Variants in PCDHGA5 observed in about 807,000 individuals in gnomAD.
PCDHGA5 encodes protocadherin gamma subfamily A, 5, also known as protocadherin gamma-A5.
A neutral mutation model predicts 56.7 loss-of-function variants in PCDHGA5; 36 were observed. The observed-to-expected ratio is 0.64, with a 90% CI of 0.49 to 0.84. PCDHGA5 has a LOEUF of 0.84. PCDHGA5 is among the 40% of genes least tolerant of loss of function. The pLI, the probability that PCDHGA5 is intolerant of heterozygous loss-of-function variation, is 0.00. For synonymous variants in PCDHGA5, 563 were observed against 520.2 expected, an observed-to-expected ratio of 1.08 and a Z score of -1.12; for missense variants, 1,305 against 1,201.5, an observed-to-expected ratio of 1.09 and a Z score of -1.27.
At chr5:141,481,587 G>A (rs1276529821) in intron 1 of PCDHGA5, among the ~76,000 whole-genome samples, 1 of 152,198 alleles carries the variant, frequency 6.6e-6, no homozygotes, top group African/African-American at 2.4e-5. Context: ...GGAGGCTGAG[G>A]CCAGCGGATC....
chr5:141,450,832 T>A (rs192186566), intron 1 of PCDHGA5, among the ~76,000 whole-genome samples: 5,292 of 142,276 alleles, frequency 0.037, 115 homozygotes, highest in Middle Eastern at 0.096. Flanking sequence ...TATTATTATT[T>A]TTTTTTTTTT....
chr5:141,368,008 G>A (rs1189583179), intron 1 of PCDHGA5, among the ~76,000 whole-genome samples: 1 of 152,086 alleles, frequency 6.6e-6, no homozygotes, highest in African/African-American at 2.4e-5. Context: ...ATGAAATACT[G>A]GCCTATGTGC....
At chr5:141,500,167 A>C (rs976308963) in intron 2 of PCDHGA5, among the ~76,000 whole-genome samples, 1 of 150,656 alleles carries the variant, frequency 6.6e-6, no homozygotes, top group African/African-American at 2.4e-5. Context: ...AAGAACATGC[A>C]TGAGCTTCAT....
At chr5:141,465,887 C>A (rs1267304672) in intron 1 of PCDHGA5, among the ~76,000 whole-genome samples, 1 of 152,040 alleles carries the variant, frequency 6.6e-6, no homozygotes, top group Non-Finnish European at 1.5e-5. Flanking sequence ...CTTTGGGAGG[C>A]CGAGGCGGGC....
rs558972594 is a variant in PCDHGA5 at position 141,485,292 on chromosome 5, A to G, written c.2422-9515A>G. ...CGCTACCCGGTCCCAGAGGAGTCAC[A>G]GGAAGGGACTTTTGTAGGGAATGTC... On this transcript the variant is annotated intron_variant, in intron 1 of 3. Coordinates refer to ENST00000518069, the MANE Select transcript of PCDHGA5 (RefSeq NM_018918.3). The surrounding 1 kb of genome is among the most constrained non-coding windows in gnomAD (Gnocchi z 5.7). 1 of 1,614,120 alleles carries G rather than the reference A, an allele frequency of 6.2e-7. No individual in the cohort carries two copies. Among genetic ancestry groups the G allele is most frequent in the African/African-American group, 1.3e-5 (1 of 75,058 alleles).
intron 1 of PCDHGA5, chr5:141,389,364 C>T: frequency 1.2e-6 from 2 of 1,613,854 alleles, no homozygotes; most frequent in Non-Finnish European, 1.7e-6. Context: ...GGCCAGTGAC[C>T]TGGAGCAGCG....
chr5:141,394,184 C>G, intron 1 of PCDHGA5: 1 of 1,613,944 alleles, frequency 6.2e-7, no homozygotes, highest in Non-Finnish European at 8.5e-7. Context: ...ATGCCTCCTA[C>G]TCAGCGTATA....
rs1328476453 is a variant in PCDHGA5, at chr5:141,431,444, C to T, written c.2422-63363C>T. 4.3e-6 allele frequency: 7 copies of T among 1,613,732 alleles called. No homozygotes were observed. The highest frequency in any genetic ancestry group is 5.9e-6 in the Non-Finnish European group (7 of 1,180,022). On this transcript the variant is annotated intron_variant, in intron 1 of 3. Transcript: ENST00000518069. The surrounding 1 kb of genome is among the most constrained non-coding windows in gnomAD (Gnocchi z 4.8). ...GGTGCGCACAGGCACCGCGCGCATCCGCGTGATGGTTCTGGATGCGAACGA... is the reference window on the plus strand; with the variant it reads ...GGTGCGCACAGGCACCGCGCGCATCTGCGTGATGGTTCTGGATGCGAACGA...
intron 1 of PCDHGA5, among the ~76,000 whole-genome samples, chr5:141,435,715 A>T (rs528951395): frequency 5.9e-5 from 9 of 152,210 alleles, no homozygotes; most frequent in Non-Finnish European, 1.0e-4. Context: ...ACAGACACTG[A>T]ATGCTAAAGT....
At chr5:141,403,585 C>A in intron 1 of PCDHGA5, 1 of 1,613,894 alleles carries the variant, frequency 6.2e-7, no homozygotes, top group South Asian at 1.1e-5. Context: ...ACCACCTGGT[C>A]CTCACGGCCT....
chr5:141,402,746 T>C (rs956909207), intron 1 of PCDHGA5, among the ~76,000 whole-genome samples: 2 of 152,224 alleles, frequency 1.3e-5, no homozygotes, highest in African/African-American at 4.8e-5. Context: ...TGATCAACTC[T>C]AAGCGAAAAT....
rs761831761 is a variant in PCDHGA5 at position 141,485,471 on chromosome 5, G to A, written c.2422-9336G>A. The A allele has an allele frequency of 4.3e-6, 7 of 1,614,144 alleles. No homozygotes were observed. The Admixed American group carries it at 5.0e-5, about 12-fold the overall frequency. On this transcript the variant is annotated intron_variant, in intron 1 of 3. Transcript: ENST00000518069. This position sits in a 1 kb window ranked among gnomAD's most constrained non-coding sequence, Gnocchi z 5.7. ...CCGAGAGGCACTGTGTGGGCTCAGT[G>A]CCAGCTGCATCGTGCCCCTGGAGTT...
At chr5:141,450,810 AT>A (rs755484062) in intron 1 of PCDHGA5, among the ~76,000 whole-genome samples, 1 of 136,728 alleles carries the variant, frequency 7.3e-6, no homozygotes, top group Admixed American at 7.3e-5. Context: ...TTATTTATTT[AT>A]TTAATATTAT....
Position 141,431,999 on chromosome 5 carries a change from C to G in PCDHGA5, c.2422-62808C>G. The G allele has an allele frequency of 6.2e-7, 1 of 1,614,158 alleles. No homozygotes were observed. The highest frequency in any genetic ancestry group is 1.1e-5 in the South Asian group (1 of 91,086). On this transcript the variant is annotated intron_variant, in intron 1 of 3. Transcript: ENST00000518069. This position sits in a 1 kb window ranked among gnomAD's most constrained non-coding sequence, Gnocchi z 4.8. ...CACAGACATAGTCTTGGATAGGGAA[C>G]AGGTTCCTAGCTACAACATCACAGT... is the stretch of plus-strand genomic sequence containing the variant.
At chr5:141,453,852 T>A (rs905734700) in intron 1 of PCDHGA5, among the ~76,000 whole-genome samples, 5 of 152,164 alleles carry the variant, frequency 3.3e-5, no homozygotes, top group African/African-American at 1.2e-4. Context: ...ACAGAGCACT[T>A]TGAAAATAAC....
At chr5:141,370,318 C>G (rs1295080631) in intron 1 of PCDHGA5, 15 of 1,325,178 alleles carry the variant, frequency 1.1e-5, no homozygotes, top group African/African-American at 1.5e-5. Flanking sequence ...AATAGTTGGT[C>G]CTGCTCGGAG....
At chr5:141,467,337 G>A (rs1018807977) in intron 1 of PCDHGA5, among the ~76,000 whole-genome samples, 1 of 152,162 alleles carries the variant, frequency 6.6e-6, no homozygotes, top group Admixed American at 6.6e-5. Flanking sequence ...AGAGACGTAA[G>A]CCACTGCCCC....
rs2099735810 is a variant in PCDHGA5 at position 141,491,979 on chromosome 5, G to A, written c.2422-2828G>A. On this transcript the variant is annotated intron_variant, in intron 1 of 3. Transcript: ENST00000518069. This position sits in a 1 kb window ranked among gnomAD's most constrained non-coding sequence, Gnocchi z 6.9. ...CAAAAAAGGCCGGGGCCTCCTTCGA[G>A]CTTCCGGTGAATTTCGGGCGATTTC... 6.4e-6 allele frequency: 5 copies of A among 787,296 alleles called. No homozygotes were observed. Among genetic ancestry groups the A allele is most frequent in the Non-Finnish European group, 9.4e-6 (5 of 533,208 alleles). 48.8% of individuals were successfully genotyped at this position (787,296 alleles called of 1,614,324 possible).
intron 1 of PCDHGA5, chr5:141,428,279 C>A: frequency 2.7e-6 from 2 of 753,232 alleles, no homozygotes; most frequent in South Asian, 3.0e-5. Context: ...CCCTCTGATT[C>A]CCAAGCAAAG....
Sources: gnomAD v4.1 joint callset for allele counts (sites outside exome capture counted in the v4.1 genomes callset) on GRCh38, gnomAD v4.1.1 for gene constraint, Gnocchi (gnomAD v3.1) non-coding constraint, MANE v1.5 for transcripts, NCBI Gene and HGNC (gene_info 2026-07-23, HGNC 2026-07-21) for gene names.